The following DLG2 variants were observed in gnomAD, a reference collection of about 807,000 sequenced individuals.
DLG2 encodes discs large MAGUK scaffold protein 2, also known as disks large homolog 2.
In DLG2, 45 loss-of-function variants were observed where a neutral mutation model predicts 132.5. The ratio of observed to expected loss-of-function variants is 0.34; its 90% CI spans 0.27 to 0.44. The LOEUF is 0.44. Among genes scored for constraint, DLG2 ranks in the 20% least tolerant of loss-of-function variants. The probability of loss-of-function intolerance (pLI) is 1.00; values close to 1 mark genes in which losing one functional copy is unlikely to be tolerated. For synonymous variants in DLG2, 424 were observed against 419.6 expected, an observed-to-expected ratio of 1.01 and a Z score of -0.13; for missense variants, 1,045 against 1,196.9, an observed-to-expected ratio of 0.87 and a Z score of 1.87.
At chr11:85,300,891 TGACAAG>T (rs1279680201) in intron 3 of DLG2, among the ~76,000 whole-genome samples, 1 of 151,898 alleles carries the variant, frequency 6.6e-6, no homozygotes, top group Non-Finnish European at 1.5e-5. Flanking sequence ...GGAGAAAGCA[TGACAAG>T]GACCCTAAAA....
intron 18 of DLG2, chr11:83,646,829 T>C (rs1373019870): frequency 6.6e-6 from 1 of 152,132 alleles, no homozygotes; most frequent in Non-Finnish European, 1.5e-5. Context: ...CTAATACATT[T>C]AAATGTCCAA....
At chr11:84,666,695 C>T (rs989243905) in intron 6 of DLG2, among the ~76,000 whole-genome samples, 7 of 151,920 alleles carry the variant, frequency 4.6e-5, no homozygotes, top group African/African-American at 7.3e-5. Flanking sequence ...TGTATAATTA[C>T]ATAAACACAT....
chr11:85,418,378 T>C (rs2090033875), intron 3 of DLG2, among the ~76,000 whole-genome samples: 1 of 152,220 alleles, frequency 6.6e-6, no homozygotes, highest in South Asian at 2.1e-4. Context: ...TGGTCAATTT[T>C]AGAATAAGTG....
At chr11:84,196,829 T>A (rs925868233) in intron 8 of DLG2, among the ~76,000 whole-genome samples, 5 of 151,842 alleles carry the variant, frequency 3.3e-5, no homozygotes, top group Non-Finnish European at 5.9e-5. Flanking sequence ...TCATTTGAAG[T>A]CAGGAGTTTA....
chr11:85,389,550 A>G (rs2152943566), intron 3 of DLG2, among the ~76,000 whole-genome samples: 1 of 152,324 alleles, frequency 6.6e-6, no homozygotes, highest in South Asian at 2.1e-4. Flanking sequence ...ACACAGGCAC[A>G]CAGTCATCAG....
At chr11:85,593,277 T>G (rs1364144971) in intron 3 of DLG2, among the ~76,000 whole-genome samples, 1 of 152,214 alleles carries the variant, frequency 6.6e-6, no homozygotes, top group Non-Finnish European at 1.5e-5. Flanking sequence ...ACTGTTAATA[T>G]ATTACTTTCC....
rs187261146 is a variant in DLG2, at chr11:85,086,293, T to A, written c.357+25368A>T. 2.5e-3 allele frequency among the ~76,000 whole-genome samples: 385 copies of A among 152,254 alleles called. 2 individuals carry two copies. The highest frequency in any genetic ancestry group is 5.9e-3 in the Admixed American group (91 of 15,298). ...TATCCAATTTCTTTTAGGGTTTCCC[T>A]CCATGTCTGACACTATGCATAGAAT... On this transcript the variant is annotated intron_variant, in intron 6 of 27. Transcript: ENST00000376104.
chr11:85,007,664 CAAAAAAAAAAAAAA>C (rs57188165), intron 6 of DLG2, among the ~76,000 whole-genome samples: 3 of 88,534 alleles, frequency 3.4e-5, no homozygotes, highest in East Asian at 2.9e-4. Context: ...GACTCCGTCT[CAAAAAAAAAAAAAA>C]AAAAAAAAAA....
intron 18 of DLG2, among the ~76,000 whole-genome samples, chr11:83,667,905 G>A (rs1227748102): frequency 7.0e-6 from 1 of 143,094 alleles, no homozygotes; most frequent in South Asian, 2.3e-4. Flanking sequence ...ATGAACCCGG[G>A]AGGCAGAGTG....
chr11:83,821,578 CCTCT>C (rs1259227349), intron 17 of DLG2, among the ~76,000 whole-genome samples: 10 of 152,130 alleles, frequency 6.6e-5, no homozygotes, highest in Non-Finnish European at 1.5e-4. Context: ...GTCTGATATA[CCTCT>C]CTATTTCCTA....
chr11:85,514,855 T>A (rs547860768), intron 3 of DLG2, among the ~76,000 whole-genome samples: 2 of 152,032 alleles, frequency 1.3e-5, no homozygotes, highest in South Asian at 2.1e-4. Context: ...TCTGGAAATA[T>A]ATACTTTTGC....
intron 6 of DLG2, among the ~76,000 whole-genome samples, chr11:84,581,832 G>A (rs928593427): frequency 2.6e-5 from 4 of 150,948 alleles, no homozygotes; most frequent in African/African-American, 4.9e-5. Context: ...GCTTGAACCC[G>A]GGAGGCGGAG....
intron 6 of DLG2, among the ~76,000 whole-genome samples, chr11:84,615,071 C>G (rs903871483): frequency 1.3e-5 from 2 of 152,080 alleles, no homozygotes; most frequent in Admixed American, 6.6e-5. Flanking sequence ...GATACAAATT[C>G]AATGGAATAT....
At chr11:83,799,786 G>T (rs2043855828) in intron 17 of DLG2, among the ~76,000 whole-genome samples, 1 of 152,096 alleles carries the variant, frequency 6.6e-6, no homozygotes, top group Non-Finnish European at 1.5e-5. Context: ...TATGTCTGTT[G>T]GATATCTACA....
chr11:83,667,641 C>A (rs2075873209), intron 18 of DLG2, among the ~76,000 whole-genome samples: 1 of 152,280 alleles, frequency 6.6e-6, no homozygotes, highest in Admixed American at 6.5e-5. Context: ...AGGTGGCTAA[C>A]TTCCTTCTAG....
intron 17 of DLG2, among the ~76,000 whole-genome samples, chr11:83,797,912 C>G (rs902923107): frequency 2.0e-5 from 3 of 152,198 alleles, no homozygotes; most frequent in African/African-American, 7.2e-5. Flanking sequence ...AATGAGGAGT[C>G]ATTCCTCAGC....
At chr11:85,495,677 T>C (rs533586877) in intron 3 of DLG2, among the ~76,000 whole-genome samples, 17 of 152,260 alleles carry the variant, frequency 1.1e-4, no homozygotes, top group Admixed American at 1.0e-3. Flanking sequence ...TTTTACACTG[T>C]TGGTGGGAGT....
intron 3 of DLG2, among the ~76,000 whole-genome samples, chr11:85,354,371 C>G (rs920248878): frequency 1.3e-5 from 2 of 152,050 alleles, no homozygotes; most frequent in African/African-American, 4.8e-5. Context: ...TATAATCACT[C>G]AAAACTCAGA....
chr11:83,794,259 GTTC>G (rs2042231321), intron 17 of DLG2, among the ~76,000 whole-genome samples: 1 of 152,082 alleles, frequency 6.6e-6, no homozygotes, highest in African/African-American at 2.4e-5. Context: ...TAGCAAACAT[GTTC>G]TTCTCCAGTC....
Sources: gnomAD v4.1 joint callset for allele counts (sites outside exome capture counted in the v4.1 genomes callset) on GRCh38, gnomAD v4.1.1 for gene constraint, MANE v1.5 for transcripts, NCBI Gene and HGNC (gene_info 2026-07-23, HGNC 2026-07-21) for gene names.